Variants in ITIH2 observed in about 807,000 individuals in gnomAD.
The protein encoded by ITIH2 is inter-alpha-trypsin inhibitor heavy chain H2.
A neutral mutation model predicts 104.4 loss-of-function variants in ITIH2; 103 were observed. The ratio of observed to expected loss-of-function variants is 0.99; its 90% CI spans 0.84 to 1.16. The LOEUF is 1.16. ITIH2 is among the 50% of genes most tolerant of loss of function. The pLI is 0.00. For synonymous variants in ITIH2, 436 were observed against 435.4 expected (o/e 1.00, Z -0.02); for missense variants, 1,108 against 1,162.4 (o/e 0.95, Z 0.68).
intron 14 of ITIH2, 130 bp from the exon 15 acceptor site, chr10:7,734,792 A>T (rs1835036805): frequency 1.5e-6 from 1 of 673,566 alleles, no homozygotes; most frequent in African/African-American, 1.8e-5. Flanking sequence ...TCTGTTTCCC[A>T]GTTACTTTGC....
chr10:7,725,520 A>T (rs920708965), intron 9 of ITIH2, among the ~76,000 whole-genome samples: 3 of 152,214 alleles, frequency 2.0e-5, no homozygotes, highest in African/African-American at 7.2e-5. Flanking sequence ...TTGAAGGTAG[A>T]GTAAACAGTA....
intron 9 of ITIH2, among the ~76,000 whole-genome samples, chr10:7,726,148 T>C (rs981704861): frequency 6.6e-6 from 1 of 152,050 alleles, no homozygotes; most frequent in Admixed American, 6.6e-5. Context: ...TATGAGAGAA[T>C]AGGAAGAGAA....
At chr10:7,743,054 T>C (rs3736965) in intron 16 of ITIH2, 92 bp from the exon 17 acceptor site, 508,149 of 695,074 alleles carry the variant, frequency 0.73, 188,186 homozygotes, top group Non-Finnish European at 0.78. Flanking sequence ...ATATTTGTTC[T>C]GATTAAATTA....
chr10:7,732,971 C>T (rs1426489391), intron 14 of ITIH2, among the ~76,000 whole-genome samples: 1 of 152,196 alleles, frequency 6.6e-6, no homozygotes, highest in South Asian at 2.1e-4. Flanking sequence ...TCGTGATCCA[C>T]CCGAGTGGGC....
chr10:7,743,363 A>C, intron 17 of ITIH2, 104 bp downstream of exon 17: 1 of 649,022 alleles, frequency 1.5e-6, no homozygotes, highest in Non-Finnish European at 2.7e-6. Context: ...AGTTCTATAT[A>C]TTTCAGTGAT....
chr10:7,705,211 GA>G (rs771241512), intron 2 of ITIH2, 29 bp downstream of exon 2: 115 of 1,384,662 alleles, frequency 8.3e-5, no homozygotes, highest in Middle Eastern at 3.6e-4. Flanking sequence ...CCAAAAGGGG[GA>G]AAAAAAGTGA....
chr10:7,719,780 A>AAAAG (rs1564300672), intron 6 of ITIH2, among the ~76,000 whole-genome samples: 222 of 141,098 alleles, frequency 1.6e-3, no homozygotes, highest in African/African-American at 2.9e-3. Flanking sequence ...AAAAAAAAAA[A>AAAAG]AAAGAAAGAA....
chr10:7,744,604 C>A (rs1835157974), intron 18 of ITIH2, among the ~76,000 whole-genome samples, 187 bp from the exon 19 acceptor site: 1 of 152,176 alleles, frequency 6.6e-6, no homozygotes, highest in African/African-American at 2.4e-5. Context: ...ATGATTGTGT[C>A]CTCTGCGTAG....
At chr10:7,721,854 C>G in intron 8 of ITIH2, 77 bp downstream of exon 8, 1 of 1,527,028 alleles carries the variant, frequency 6.5e-7, no homozygotes, top group Non-Finnish European at 8.9e-7. Context: ...ACTCCCAGGC[C>G]TATGGGTGGT....
intron 5 of ITIH2, chr10:7,713,493 G>A (rs746325066): frequency 9.8e-6 from 5 of 508,094 alleles, no homozygotes; most frequent in Middle Eastern, 5.1e-4. Context: ...GTGATCCCAC[G>A]CTGGTTGTGC....
At chr10:7,732,828 C>A (rs983704867) in intron 14 of ITIH2, among the ~76,000 whole-genome samples, 2 of 152,076 alleles carry the variant, frequency 1.3e-5, no homozygotes, top group Non-Finnish European at 2.9e-5. Flanking sequence ...CCCGGGTTCA[C>A]ACCATTCTCC....
chr10:7,723,663 G>A, intron 9 of ITIH2, 96 bp downstream of exon 9: 1 of 817,624 alleles, frequency 1.2e-6, no homozygotes, highest in South Asian at 1.5e-5. Flanking sequence ...TCCCTGCTTA[G>A]GGCTGAAGCT....
rs200945885 is a variant in ITIH2, at chr10:7,710,934, T to C, written c.362+1743T>C. ...CTGTTTTCCTTCTTTTTTTTTTTTCTTTTTTACTTTAAGTTCTGGGATACG... is the reference window on the plus strand; with the variant it reads ...CTGTTTTCCTTCTTTTTTTTTTTTCCTTTTTACTTTAAGTTCTGGGATACG... On this transcript the variant is annotated intron_variant, in intron 4 of 20. Coordinates refer to ENST00000358415, the MANE Select transcript of ITIH2 (RefSeq NM_002216.3). 6.6e-5 allele frequency among the ~76,000 whole-genome samples: 10 copies of C among 152,068 alleles called. No individual in the cohort carries two copies. In the East Asian group the frequency reaches 1.9e-3, roughly 29 times the overall value.
At chr10:7,720,453 C>A (rs1834891269) in intron 6 of ITIH2, among the ~76,000 whole-genome samples, 1 of 152,170 alleles carries the variant, frequency 6.6e-6, no homozygotes, top group Non-Finnish European at 1.5e-5. Context: ...AGAAATAAAA[C>A]AACCCAAGAT....
chr10:7,715,280 G>A (rs144445561), intron 5 of ITIH2, among the ~76,000 whole-genome samples: 24 of 152,258 alleles, frequency 1.6e-4, no homozygotes, highest in South Asian at 6.2e-4. Context: ...AATTAGCTGG[G>A]CGTGGTGGCG....
chr10:7,742,268 G>C (rs550446797), intron 16 of ITIH2, among the ~76,000 whole-genome samples: 1 of 152,066 alleles, frequency 6.6e-6, no homozygotes, highest in African/African-American at 2.4e-5. Flanking sequence ...ATGGGGGAGC[G>C]GGAGGGGAGG....
intron 14 of ITIH2, among the ~76,000 whole-genome samples, chr10:7,733,069 A>G (rs1015168799): frequency 2.0e-5 from 3 of 151,730 alleles, no homozygotes; most frequent in African/African-American, 7.3e-5. Flanking sequence ...GGATTTTTAT[A>G]TCTATCATCC....
intron 11 of ITIH2, 63 bp downstream of exon 11, chr10:7,727,891 T>C: frequency 6.3e-7 from 1 of 1,591,324 alleles, no homozygotes; most frequent in Non-Finnish European, 8.6e-7. Context: ...GAATGGTGGT[T>C]TGCCTAAAAG....
Position 7,740,855 on chromosome 10 carries a change from C to T in ITIH2, c.2095+2097C>T, listed in dbSNP as rs191464048. Among the ~76,000 whole-genome samples, 50 of 152,310 alleles carry T rather than the reference C, an allele frequency of 3.3e-4. 3 individuals are homozygous for T. Among genetic ancestry groups the T allele is most frequent in the East Asian group, 2.5e-3 (13 of 5,176 alleles). ...GCTGTTATCACTGACCAGTGTTCTG[C>T]CCATGAACCTCAGGTGCTAGGAATC... On this transcript the variant is annotated intron_variant, in intron 16 of 20. Coordinates refer to ENST00000358415, the MANE Select transcript of ITIH2 (RefSeq NM_002216.3).
Sources: gnomAD v4.1 joint callset for allele counts (sites outside exome capture counted in the v4.1 genomes callset) on GRCh38, gnomAD v4.1.1 for gene constraint, MANE v1.5 for transcripts, NCBI Gene and HGNC (gene_info 2026-07-23, HGNC 2026-07-21) for gene names.